The following CDC25C variants were observed in gnomAD, a reference collection of about 807,000 sequenced individuals.
The protein encoded by CDC25C is M-phase inducer phosphatase 3.
In CDC25C, 48 loss-of-function variants were observed where a neutral mutation model predicts 52.5. The ratio of observed to expected loss-of-function variants is 0.91; its 90% CI spans 0.72 to 1.16. CDC25C has a LOEUF of 1.16. Ranked by LOEUF, CDC25C falls within the 50% of genes most tolerant of loss-of-function variation. CDC25C has a pLI of 0.00. For synonymous variants in CDC25C, 187 were observed against 206.5 expected, an observed-to-expected ratio of 0.91 and a Z score of 0.81; for missense variants, 510 against 566.1, an observed-to-expected ratio of 0.90 and a Z score of 1.01.
chr5:138,315,900 G>T (rs371918704), intron 7 of CDC25C, among the ~76,000 whole-genome samples: 2 of 152,212 alleles, frequency 1.3e-5, no homozygotes, highest in East Asian at 3.8e-4. Flanking sequence ...CATGATCCAT[G>T]GAGCTAGCGG....
chr5:138,318,368 C>G (rs1759069342), intron 7 of CDC25C, among the ~76,000 whole-genome samples: 1 of 151,912 alleles, frequency 6.6e-6, no homozygotes, highest in African/African-American at 2.4e-5. Flanking sequence ...CTCTGTAGCT[C>G]TAGCATTTAG....
chr5:138,317,108 A>G (rs985164869), intron 7 of CDC25C, among the ~76,000 whole-genome samples: 1 of 152,220 alleles, frequency 6.6e-6, no homozygotes, highest in Non-Finnish European at 1.5e-5. Context: ...TTTAAAAATT[A>G]GCTGGGCATG....
intron 7 of CDC25C, among the ~76,000 whole-genome samples, chr5:138,297,308 A>T (rs919313986): frequency 1.3e-5 from 2 of 151,278 alleles, no homozygotes; most frequent in African/African-American, 4.9e-5. Flanking sequence ...TGATCGGCCC[A>T]CCTCGGCCTC....
chr5:138,295,941 G>A (rs1308041009), intron 7 of CDC25C, among the ~76,000 whole-genome samples: 2 of 152,078 alleles, frequency 1.3e-5, no homozygotes, highest in African/African-American at 4.8e-5. Context: ...GATTCAACCT[G>A]CAGATTCTAT....
chr5:138,302,560 G>T (rs1162729293), intron 7 of CDC25C, among the ~76,000 whole-genome samples: 2 of 151,762 alleles, frequency 1.3e-5, no homozygotes, highest in South Asian at 4.2e-4. Context: ...TTAGCAAGGC[G>T]TGGTGGCACA....
At chr5:138,311,572 G>A (rs1758456788) in intron 7 of CDC25C, among the ~76,000 whole-genome samples, 2 of 152,110 alleles carry the variant, frequency 1.3e-5, no homozygotes, top group South Asian at 2.1e-4. Flanking sequence ...ACTCCAGCCT[G>A]GGTGAGACCC....
At chr5:138,322,399 A>G (rs1759490801) in intron 6 of CDC25C, among the ~76,000 whole-genome samples, 1 of 150,398 alleles carries the variant, frequency 6.6e-6, no homozygotes, top group South Asian at 2.1e-4. Flanking sequence ...TCCTGGGTTC[A>G]ACTGATTCTC....
chr5:138,321,750 C>CAAAAAA (rs531353746), intron 6 of CDC25C, among the ~76,000 whole-genome samples: 7 of 47,192 alleles, frequency 1.5e-4, no homozygotes, highest in African/African-American at 5.2e-4. Context: ...GACTCTGTCT[C>CAAAAAA]AAAAAAAAAA....
chr5:138,331,479 A>G (rs2126853606), intron 1 of CDC25C, 116 bp downstream of exon 1: 2 of 788,620 alleles, frequency 2.5e-6, no homozygotes, highest in African/African-American at 1.8e-5. Context: ...CGGGTCTCGT[A>G]ACTCGCGATA....
In CDC25C at chr5:138,285,309, AAG is replaced by A. The variant is rs1032968452; in HGVS notation, c.*381_*382del. 4 of 191,214 alleles carry A rather than the reference AAG, an allele frequency of 2.1e-5. No individual in the cohort carries two copies. Among genetic ancestry groups the A allele is most frequent in the Non-Finnish European group, 4.3e-5 (4 of 93,042 alleles). 11.8% of individuals were successfully genotyped at this position (191,214 alleles called of 1,614,324 possible). A position where few individuals can be genotyped will look rare whatever the true frequency, so the allele number is the denominator to read the frequency against. ...TTTATTTTTCCATTTTTAAAAAAGA[AAG>A]AGGGGGAAACAAAGAAGGAAAATAC... On this transcript the variant is annotated 3_prime_UTR_variant, in exon 14 of 14. Transcript: ENST00000323760.
intron 4 of CDC25C, among the ~76,000 whole-genome samples, chr5:138,326,693 C>G (rs1376594654): frequency 1.3e-5 from 2 of 152,136 alleles, no homozygotes; most frequent in Non-Finnish European, 2.9e-5. Flanking sequence ...GTGGCCCACG[C>G]CTGTAATCCC....
intron 7 of CDC25C, among the ~76,000 whole-genome samples, chr5:138,313,952 C>G (rs1758646965): frequency 1.5e-5 from 2 of 135,296 alleles, no homozygotes; most frequent in African/African-American, 5.3e-5. Flanking sequence ...CTCCCAAACA[C>G]CTATGTCCCT....
chr5:138,296,708 C>T (rs992555861), intron 7 of CDC25C, among the ~76,000 whole-genome samples: 1 of 151,210 alleles, frequency 6.6e-6, no homozygotes, highest in Non-Finnish European at 1.5e-5. Context: ...CAGGTTCACG[C>T]CATTCTCCTG....
At chr5:138,307,507 A>AAG (rs1758106261) in intron 7 of CDC25C, among the ~76,000 whole-genome samples, 1 of 150,818 alleles carries the variant, frequency 6.6e-6, no homozygotes, top group Non-Finnish European at 1.5e-5. Flanking sequence ...AAAAAAAAAA[A>AAG]AAAAGAAAAA....
chr5:138,331,329 A>T, intron 1 of CDC25C, 111 bp from the exon 2 acceptor site: 1 of 781,188 alleles, frequency 1.3e-6, no homozygotes, highest in Non-Finnish European at 2.0e-6. Context: ...GCAACCCCGA[A>T]GGGTGATTCA....
At chr5:138,313,985 T>TTC (rs1758656716) in intron 7 of CDC25C, among the ~76,000 whole-genome samples, 1 of 103,126 alleles carries the variant, frequency 9.7e-6, no homozygotes, top group Non-Finnish European at 2.2e-5. Flanking sequence ...CTTTCTTTCT[T>TTC]TCTTTCTTTC....
In CDC25C at chr5:138,286,232, A is replaced by C. The variant is rs567717247; in HGVS notation, c.1161-99T>G. 4.2e-6 allele frequency: 4 copies of C among 957,434 alleles called. No individual in the cohort carries two copies. In the African/African-American group the frequency reaches 4.9e-5, roughly 12 times the overall value. 59.3% of individuals were successfully genotyped at this position (957,434 alleles called of 1,614,324 possible). A position where few individuals can be genotyped will look rare whatever the true frequency, so the allele number is the denominator to read the frequency against. On this transcript the variant is annotated intron_variant, in intron 12 of 13. Transcript: ENST00000323760. ...GGGGGGAGAGGAGTAGACTATTGCC[A>C]ACCTCAAAAAGGACTTTCCAATCTC...
At chr5:138,315,186 G>A (rs1758785196) in intron 7 of CDC25C, among the ~76,000 whole-genome samples, 2 of 151,804 alleles carry the variant, frequency 1.3e-5, no homozygotes. Context: ...GCCTCCCAGT[G>A]TGCTGGGATT....
chr5:138,299,660 G>C (rs2126702554), intron 7 of CDC25C, among the ~76,000 whole-genome samples: 1 of 151,756 alleles, frequency 6.6e-6, no homozygotes, highest in East Asian at 1.9e-4. Context: ...CTAAAGTAAT[G>C]CTTAGAAAAA....
Sources: allele counts gnomAD v4.1 joint callset (sites outside exome capture counted in the v4.1 genomes callset), GRCh38; gene constraint gnomAD v4.1.1; transcripts MANE v1.5; gene names NCBI Gene and HGNC (gene_info 2026-07-23, HGNC 2026-07-21).